Variants in RFC3 observed in about 807,000 individuals in gnomAD.
RFC3 encodes A1 38 kDa subunit.
RFC3 carries 41 observed loss-of-function variants against 45.1 expected under a neutral mutation model. The ratio of observed to expected loss-of-function variants is 0.91; its 90% CI spans 0.71 to 1.18. The LOEUF is 1.18. Ranked by LOEUF, RFC3 falls within the 50% of genes most tolerant of loss-of-function variation. The probability of loss-of-function intolerance (pLI) is 0.00; values close to 1 mark genes in which losing one functional copy is unlikely to be tolerated. For synonymous variants in RFC3, 149 were observed against 144.0 expected, an observed-to-expected ratio of 1.03 and a Z score of -0.25; for missense variants, 423 against 428.1, an observed-to-expected ratio of 0.99 and a Z score of 0.10.
chr13:33,965,427 T>G (rs201524944), intron 8 of RFC3, among the ~76,000 whole-genome samples: 1 of 152,224 alleles, frequency 6.6e-6, no homozygotes, highest in Non-Finnish European at 1.5e-5. Flanking sequence ...CTAGGAGCTA[T>G]ACCAAATAAA....
At chr13:33,936,570 C>T (rs1203333696) in intron 8 of RFC3, among the ~76,000 whole-genome samples, 1 of 152,066 alleles carries the variant, frequency 6.6e-6, no homozygotes, top group Admixed American at 6.6e-5. Flanking sequence ...TGGAAGCACA[C>T]ACAGGGAAAA....
chr13:33,852,057 A>G (rs1403609906), intron 8 of RFC3, among the ~76,000 whole-genome samples: 1 of 152,192 alleles, frequency 6.6e-6, no homozygotes, highest in Non-Finnish European at 1.5e-5. Context: ...TAACTATGAG[A>G]GTATTGCACT....
In RFC3 at chr13:33,958,588, CAG is replaced by C. The variant is rs368138717; in HGVS notation, c.880-7497_880-7496del. 1.4e-4 allele frequency among the ~76,000 whole-genome samples: 22 copies of C among 152,292 alleles called. No homozygotes were observed. In the East Asian group the frequency reaches 4.1e-3, roughly 28 times the overall value. ...TATGCAACAGCATAGAGACGGAAAA[CAG>C]AAGGCGTTTTTCAGAAATAGGAAAT... On this transcript the variant is annotated intron_variant, in intron 8 of 8. Coordinates refer to the RFC3 transcript ENST00000434425.
chr13:33,940,999 A>G (rs898690547), intron 8 of RFC3, among the ~76,000 whole-genome samples: 17 of 152,352 alleles, frequency 1.1e-4, no homozygotes, highest in Non-Finnish European at 2.2e-4. Flanking sequence ...CCAACCCACA[A>G]GTGTTTACAT....
chr13:33,839,042 T>C (rs1566388508), downstream of RFC3, among the ~76,000 whole-genome samples: 1 of 152,186 alleles, frequency 6.6e-6, no homozygotes, highest in Non-Finnish European at 1.5e-5. Context: ...CAACCAATGA[T>C]GTGAACAGAG....
chr13:33,854,699 C>G (rs932418501), intron 8 of RFC3, among the ~76,000 whole-genome samples: 1 of 151,966 alleles, frequency 6.6e-6, no homozygotes, highest in African/African-American at 2.4e-5. Flanking sequence ...TCTAGGGCAC[C>G]ATCAAGGGCT....
At chr13:33,818,474 G>A (rs1434509080) in intron 1 of RFC3, among the ~76,000 whole-genome samples, 1 of 152,264 alleles carries the variant, frequency 6.6e-6, no homozygotes, top group African/African-American at 2.4e-5. Context: ...CATCTGAGCC[G>A]AGACTTGAAG....
At chr13:33,956,715 G>T (rs1204098904) in intron 8 of RFC3, among the ~76,000 whole-genome samples, 1 of 152,220 alleles carries the variant, frequency 6.6e-6, no homozygotes, top group East Asian at 1.9e-4. Context: ...AGCACTAGAT[G>T]TCTAGTGAGG....
chr13:33,875,556 G>A (rs983581989), intron 8 of RFC3, among the ~76,000 whole-genome samples: 1 of 152,202 alleles, frequency 6.6e-6, no homozygotes, highest in Non-Finnish European at 1.5e-5. Context: ...GCCAAACCAA[G>A]AAGGGACTTG....
chr13:33,946,020 C>T (rs1249521887), intron 8 of RFC3, among the ~76,000 whole-genome samples: 2 of 152,130 alleles, frequency 1.3e-5, no homozygotes, highest in African/African-American at 4.8e-5. Flanking sequence ...TCATCTGGAG[C>T]GCTGCTCTGT....
At chr13:33,867,137 C>T (rs1274272695) in intron 8 of RFC3, among the ~76,000 whole-genome samples, 5 of 152,138 alleles carry the variant, frequency 3.3e-5, no homozygotes, top group Admixed American at 6.5e-5. Context: ...CATCTCATCC[C>T]CATCACTAGA....
intron 2 of RFC3, among the ~76,000 whole-genome samples, 153 bp from the exon 3 acceptor site, chr13:33,823,764 T>C (rs926027460): frequency 2.6e-5 from 4 of 152,076 alleles, no homozygotes; most frequent in African/African-American, 4.8e-5. Flanking sequence ...TATCTGCACA[T>C]TGAGAAAAGA....
At chr13:33,948,964 G>A (rs1454541357) in intron 8 of RFC3, among the ~76,000 whole-genome samples, 3 of 152,170 alleles carry the variant, frequency 2.0e-5, no homozygotes, top group African/African-American at 7.2e-5. Context: ...GGACTTTTGG[G>A]TTAATGCTGG....
intron 8 of RFC3, chr13:33,850,963 AAAAT>A (rs1216390385): frequency 1.3e-5 from 2 of 152,052 alleles, no homozygotes; most frequent in Non-Finnish European, 2.9e-5. Context: ...TTTTCCTCAC[AAAAT>A]AAATTCAGTT....
In RFC3 at chr13:33,924,352, C is replaced by A. The variant is rs536757872; in HGVS notation, c.880-41735C>A. 3.9e-5 allele frequency among the ~76,000 whole-genome samples: 6 copies of A among 152,020 alleles called. No homozygotes were observed. The South Asian group carries it at 1.2e-3, about 32-fold the overall frequency. On this transcript the variant is annotated intron_variant, in intron 8 of 8. Coordinates refer to the RFC3 transcript ENST00000434425. ...TTCTCAATGAGTTTCTGTTCTTGAT[C>A]AGGGTTGGCAAACTATGCCTGGCAG...
At chr13:33,897,614 AGGCATAGAGT>A (rs1211736777) in intron 8 of RFC3, among the ~76,000 whole-genome samples, 2 of 152,126 alleles carry the variant, frequency 1.3e-5, no homozygotes, top group Non-Finnish European at 2.9e-5. Flanking sequence ...TCCAATTAAA[AGGCATAGAGT>A]GGCAGAAGGG....
chr13:33,960,811 A>G (rs1218824371), intron 8 of RFC3, among the ~76,000 whole-genome samples: 1 of 152,202 alleles, frequency 6.6e-6, no homozygotes, highest in African/African-American at 2.4e-5. Context: ...GACCCTGAAC[A>G]TGCAAATGTG....
At chr13:33,874,042 TTCTC>T (rs56096627) in intron 8 of RFC3, among the ~76,000 whole-genome samples, 3,845 of 152,308 alleles carry the variant, frequency 0.025, 68 homozygotes, top group Non-Finnish European at 0.038. Flanking sequence ...TTATTGCTCT[TTCTC>T]TGCAACATTT....
intron 8 of RFC3, among the ~76,000 whole-genome samples, chr13:33,925,031 CAT>C (rs537376029): frequency 5.4e-4 from 80 of 149,254 alleles, no homozygotes; most frequent in African/African-American, 1.7e-3. Flanking sequence ...TATATATATA[CAT>C]ATATATAGTG....
Sources: allele counts gnomAD v4.1 joint callset (sites outside exome capture counted in the v4.1 genomes callset), GRCh38; gene constraint gnomAD v4.1.1; transcripts MANE v1.5; gene names NCBI Gene and HGNC (gene_info 2026-07-23, HGNC 2026-07-21).